FAM163B: variants seen among roughly 807,000 people sequenced by gnomAD.
FAM163B encodes family with sequence similarity 163 member B, also known as protein FAM163B.
A neutral mutation model predicts 7.6 loss-of-function variants in FAM163B; 4 were observed. The ratio of observed to expected loss-of-function variants is 0.52; its 90% CI spans 0.26 to 1.20. The LOEUF (loss-of-function observed/expected upper bound fraction) is 1.20, where lower values mean the gene tolerates loss of function less well. FAM163B is among the 50% of genes most tolerant of loss of function. The probability of loss-of-function intolerance (pLI) is 0.14; values close to 1 mark genes in which losing one functional copy is unlikely to be tolerated. For missense variants in FAM163B, 250 were observed against 243.0 expected (o/e 1.03, Z -0.19); for synonymous variants, 120 against 111.6 (o/e 1.07, Z -0.47).
chr9:133,590,627 C>T (rs10993806), intron 1 of FAM163B, among the ~76,000 whole-genome samples: 37,723 of 151,974 alleles, frequency 0.25, 5,000 homozygotes, highest in East Asian at 0.38. Context: ...GTAAAGCCCT[C>T]GCTGACTCAG....
rs1477440468 is a variant in FAM163B, at chr9:133,578,192, C to T, written c.*830G>A. On this transcript the variant is annotated 3_prime_UTR_variant, in exon 3 of 3. Coordinates refer to ENST00000673969, the MANE Select transcript of FAM163B (RefSeq NM_001080515.3). ...CCATGGCTCTGCCCCTGACGAGCCC[C>T]GGGCTGCCTCCGTTCACTGCCGCTT... is the stretch of plus-strand genomic sequence containing the variant. Among the ~76,000 whole-genome samples, 4 of 152,160 alleles carry T rather than the reference C, an allele frequency of 2.6e-5. No individual in the cohort carries two copies. Among genetic ancestry groups the T allele is most frequent in the East Asian group, 3.9e-4 (2 of 5,178 alleles).
chr9:133,605,175 C>T (rs570021224), intron 1 of FAM163B, among the ~76,000 whole-genome samples: 4 of 152,208 alleles, frequency 2.6e-5, no homozygotes, highest in South Asian at 2.1e-4. Context: ...AAGAGGTTTT[C>T]GCTAGGGCTC....
chr9:133,579,364 C>G lies in FAM163B; in HGVS notation c.159G>C (p.Ser53=), dbSNP rs1478616930. ...GGTTGGAGTGCAGCGGGGGCAGGTG[C>G]GAGTGAACGGCGAAGTCTGGTTCCT... ...DEEEPDFAVH[S]HLPPLHSNRN... Residue 53 remains serine (S), a synonymous_variant, in exon 3 of 3, where the codon TCG becomes TCC. Coordinates refer to ENST00000673969, the MANE Select transcript of FAM163B (RefSeq NM_001080515.3). The G allele has an allele frequency of 6.2e-7, 1 of 1,612,504 alleles. No homozygotes were observed. The highest frequency in any genetic ancestry group is 1.3e-5 in the African/African-American group (1 of 75,032).
At position 133,598,040 on chromosome 9, in the gene FAM163B, G is replaced by A. The variant is rs74593856; in HGVS notation, c.-24+11037C>T. ...CACTGTGGATTCTGATTTTCTCACT[G>A]GGTTTGGGTCCCAACCTGAGCCATG... On this transcript the variant is annotated intron_variant, in intron 1 of 2. Coordinates refer to ENST00000673969, the MANE Select transcript of FAM163B (RefSeq NM_001080515.3). Among the ~76,000 whole-genome samples, 45 of 152,050 alleles carry A rather than the reference G, an allele frequency of 3.0e-4. No homozygotes were observed. The East Asian group carries it at 6.6e-3, about 22-fold the overall frequency.
In FAM163B at chr9:133,602,500, G is replaced by A. The variant is rs572596248; in HGVS notation, c.-24+6577C>T. ...TTCTGGCAGCTGGGCAATGATGAGCGCTCCCAGGAAGAGAAGGGCCAGCAG... is the reference window on the plus strand; with the variant it reads ...TTCTGGCAGCTGGGCAATGATGAGCACTCCCAGGAAGAGAAGGGCCAGCAG... On this transcript the variant is annotated intron_variant, in intron 1 of 2. Coordinates refer to ENST00000673969, the MANE Select transcript of FAM163B (RefSeq NM_001080515.3). Among the ~76,000 whole-genome samples, 31 of 152,204 alleles carry A rather than the reference G, an allele frequency of 2.0e-4. 1 individual carries two copies. The highest frequency in any genetic ancestry group is 8.5e-4 in the Admixed American group (13 of 15,294).
At chr9:133,580,363 C>T in intron 1 of FAM163B, 117 bp from the exon 2 acceptor site, 1 of 773,382 alleles carries the variant, frequency 1.3e-6, no homozygotes, top group South Asian at 1.6e-5. Context: ...CAGGATGTGC[C>T]TGTGAGAGGC....
rs1467101040 is a variant in FAM163B at position 133,600,316 on chromosome 9, G to A, written c.-24+8761C>T. Among the ~76,000 whole-genome samples, 4 of 151,748 alleles carry A rather than the reference G, an allele frequency of 2.6e-5. No homozygotes were observed. Among genetic ancestry groups the A allele is most frequent in the African/African-American group, 9.7e-5 (4 of 41,284 alleles). On this transcript the variant is annotated intron_variant, in intron 1 of 2. Coordinates refer to ENST00000673969, the MANE Select transcript of FAM163B (RefSeq NM_001080515.3). The surrounding 1 kb of genome is among the most constrained non-coding windows in gnomAD (Gnocchi z 4.9). ...GTGTGTAGTGCTGAGAGTGGATGAA[G>A]AGCAGCATGCAGGTGCAAAGGTAGA...
chr9:133,598,857 A>G (rs1319065590), intron 1 of FAM163B, among the ~76,000 whole-genome samples: 3 of 152,126 alleles, frequency 2.0e-5, no homozygotes, highest in Non-Finnish European at 4.4e-5. Context: ...CTGCTGGTTC[A>G]TGTGCCTGTC....
At position 133,577,156 on chromosome 9, in the gene FAM163B, C is replaced by T. The variant is rs992559793; in HGVS notation, c.*1866G>A. On this transcript the variant is annotated 3_prime_UTR_variant, in exon 3 of 3. Coordinates refer to ENST00000673969, the MANE Select transcript of FAM163B (RefSeq NM_001080515.3). ...CCCCAGCAGGTCCCCACGGTGGAGC[C>T]GAGTGAGCTGGGAGGGATGGGTGCT... Among the ~76,000 whole-genome samples the T allele has an allele frequency of 6.6e-5, 10 of 152,220 alleles. No individual in the cohort carries two copies. Among genetic ancestry groups the T allele is most frequent in the South Asian group, 6.2e-4 (3 of 4,836 alleles).
At chr9:133,599,781 C>A (rs549748156) in intron 1 of FAM163B, among the ~76,000 whole-genome samples, 1 of 142,308 alleles carries the variant, frequency 7.0e-6, no homozygotes, top group African/African-American at 2.6e-5. Flanking sequence ...TTTGTCTGTG[C>A]GTGTGTGTGC....
rs778464535 is a variant in FAM163B, at chr9:133,579,275, T to C, written c.248A>G (p.Lys83Arg). 6.2e-7 allele frequency: 1 copy of C among 1,613,088 alleles called. No homozygotes were observed. Residue 83 changes from lysine to arginine, a missense_variant, in exon 3 of 3, where the codon AAG (lysine) becomes AGG (arginine). Coordinates refer to ENST00000673969, the MANE Select transcript of FAM163B (RefSeq NM_001080515.3). ...GCAGAGGGCGCGGGCCTGCGGGGAC[T>C]TCTGGCTGAAGGAGGTGGAGGCGGT... ...YPTASTSFSQ[K>R]SPQARALCRS...
chr9:133,585,765 C>T lies in FAM163B; in HGVS notation c.-23-5519G>A, dbSNP rs1032034912. Among the ~76,000 whole-genome samples the T allele has an allele frequency of 3.9e-5, 6 of 152,156 alleles. 1 individual carries two copies. The South Asian group carries it at 6.2e-4, about 16-fold the overall frequency. On this transcript the variant is annotated intron_variant, in intron 1 of 2. Coordinates refer to ENST00000673969, the MANE Select transcript of FAM163B (RefSeq NM_001080515.3). ...AAGCGGCCCCTCTAACCAGGTGAGGCGGGCGCCCTCCACTTCCAGATGGGG... is the reference window on the plus strand; with the variant it reads ...AAGCGGCCCCTCTAACCAGGTGAGGTGGGCGCCCTCCACTTCCAGATGGGG...
intron 1 of FAM163B, among the ~76,000 whole-genome samples, chr9:133,587,317 A>T (rs1259410279): frequency 6.6e-6 from 1 of 152,122 alleles, no homozygotes; most frequent in Non-Finnish European, 1.5e-5. Flanking sequence ...GGAGGAGAGG[A>T]GCTGGAGCCA....
At position 133,609,380 on chromosome 9, in the gene FAM163B, GGC is replaced by G. The variant is rs1831826326; in HGVS notation, c.-329_-328del. ...GGCTCCAGCCTGGTCCCGAGCGCAG[GGC>G]GCGCGCTGGCGGGGAGGGCGCGCGC... is the stretch of plus-strand genomic sequence containing the variant. On this transcript the variant is annotated 5_prime_UTR_variant, in exon 1 of 3. Transcript: ENST00000673969. Among the ~76,000 whole-genome samples the G allele has an allele frequency of 1.3e-5, 2 of 149,774 alleles. No individual in the cohort carries two copies.
rs1255832823 is a variant in FAM163B, at chr9:133,577,882, G to A, written c.*1140C>T. On this transcript the variant is annotated 3_prime_UTR_variant, in exon 3 of 3. Coordinates refer to ENST00000673969, the MANE Select transcript of FAM163B (RefSeq NM_001080515.3). ...ACCTCAGCCTGGGTGGGCGCTTGGT[G>A]GAAAGTGGGCTCAGATGAGGTCTTC... Among the ~76,000 whole-genome samples the A allele has an allele frequency of 1.3e-5, 2 of 152,178 alleles. No homozygotes were observed. Among genetic ancestry groups the A allele is most frequent in the Non-Finnish European group, 2.9e-5 (2 of 68,026 alleles).
intron 1 of FAM163B, among the ~76,000 whole-genome samples, chr9:133,604,360 G>A (rs548528253): frequency 1.1e-4 from 16 of 151,836 alleles, no homozygotes; most frequent in Admixed American, 5.9e-4. Flanking sequence ...CAAAAGGACA[G>A]GGAACAACAC....
At chr9:133,584,162 TGA>T (rs1386589024) in intron 1 of FAM163B, among the ~76,000 whole-genome samples, 1 of 152,104 alleles carries the variant, frequency 6.6e-6, no homozygotes, top group Non-Finnish European at 1.5e-5. Context: ...ACGCCAGAGC[TGA>T]GAGGGACCAG....
chr9:133,586,969 G>C (rs1353403729), intron 1 of FAM163B, among the ~76,000 whole-genome samples: 5 of 152,194 alleles, frequency 3.3e-5, no homozygotes, highest in Non-Finnish European at 7.3e-5. Flanking sequence ...CCACTGTCCA[G>C]AGCCCACTCC....
chr9:133,585,127 A>G (rs1055013517), intron 1 of FAM163B, among the ~76,000 whole-genome samples: 20 of 152,162 alleles, frequency 1.3e-4, no homozygotes, highest in African/African-American at 4.8e-4. Context: ...TGAGGGCCCC[A>G]TCTCGTCTCT....
Sources: gnomAD v4.1 joint callset for allele counts (sites outside exome capture counted in the v4.1 genomes callset) on GRCh38, gnomAD v4.1.1 for gene constraint, Gnocchi (gnomAD v3.1) non-coding constraint, MANE v1.5 for transcripts, NCBI Gene and HGNC (gene_info 2026-07-23, HGNC 2026-07-21) for gene names.